ADGRL3: variants seen among roughly 807,000 people sequenced by gnomAD.
ADGRL3 encodes the protein calcium-independent alpha-latrotoxin receptor 3.
In ADGRL3, 62 loss-of-function variants were observed where a neutral mutation model predicts 153.5. That is an observed-to-expected ratio of 0.40 (90% CI 0.33 to 0.50). ADGRL3 has a LOEUF of 0.50. Among genes scored for constraint, ADGRL3 ranks in the 20% least tolerant of loss-of-function variants. The probability of loss-of-function intolerance (pLI) is 0.47; values close to 1 mark genes in which losing one functional copy is unlikely to be tolerated. For missense variants in ADGRL3, 1,641 were observed against 1,859.4 expected (o/e 0.88, Z 2.16); for synonymous variants, 710 against 672.5 (o/e 1.06, Z -0.86).
At chr4:61,755,219 G>C (rs978678779) in intron 8 of ADGRL3, among the ~76,000 whole-genome samples, 24 of 152,170 alleles carry the variant, frequency 1.6e-4, no homozygotes, top group Admixed American at 1.6e-3. Context: ...GGTTGAACTA[G>C]TTTACAGTCC....
chr4:61,342,322 C>T (rs556483973), intron 1 of ADGRL3, among the ~76,000 whole-genome samples: 9 of 152,230 alleles, frequency 5.9e-5, no homozygotes, highest in African/African-American at 1.9e-4. Context: ...CAGTTATTTA[C>T]TTTATAGTCT....
intron 1 of ADGRL3, among the ~76,000 whole-genome samples, chr4:61,279,726 A>G (rs908305289): frequency 2.0e-5 from 3 of 151,992 alleles, no homozygotes; most frequent in Non-Finnish European, 4.4e-5. Context: ...TCTATTATGT[A>G]TATATTTTTT....
chr4:61,289,892 T>C (rs1161755861), intron 1 of ADGRL3, among the ~76,000 whole-genome samples: 2 of 152,114 alleles, frequency 1.3e-5, no homozygotes, highest in East Asian at 3.9e-4. Flanking sequence ...ATGGCTGTTA[T>C]GAAGGTTAAA....
chr4:62,043,469 C>T (rs1729481661), intron 24 of ADGRL3, among the ~76,000 whole-genome samples: 1 of 152,008 alleles, frequency 6.6e-6, no homozygotes, highest in East Asian at 1.9e-4. Context: ...TGATATACAA[C>T]AATATTTCTG....
intron 5 of ADGRL3, among the ~76,000 whole-genome samples, chr4:61,641,092 G>A (rs2093645220): frequency 6.6e-6 from 1 of 151,768 alleles, no homozygotes; most frequent in African/African-American, 2.4e-5. Context: ...GATAAATTTG[G>A]CTTCAAATAA....
chr4:61,557,295 A>G (rs1199136867), intron 4 of ADGRL3, among the ~76,000 whole-genome samples: 1 of 152,152 alleles, frequency 6.6e-6, no homozygotes, highest in Admixed American at 6.6e-5. Context: ...AGAATACTTC[A>G]TCCTTAAATA....
intron 2 of ADGRL3, among the ~76,000 whole-genome samples, chr4:61,439,649 C>T (rs1382098729): frequency 6.6e-6 from 1 of 152,112 alleles, no homozygotes; most frequent in Admixed American, 6.6e-5. Flanking sequence ...GTTCCCCTCC[C>T]TATATCCATG....
rs569058069 is a variant in ADGRL3, at chr4:61,766,844, T to C, written c.1399+33290T>C. Among the ~76,000 whole-genome samples the C allele has an allele frequency of 9.2e-5, 14 of 151,764 alleles. No individual in the cohort carries two copies. The East Asian group carries it at 2.5e-3, about 27-fold the overall frequency. ...TATTGAGGATAGGAGAGTATATGGG[T>C]TTGGCACCACGGGGTGGATAGGCAA... is the stretch of plus-strand genomic sequence containing the variant. On this transcript the variant is annotated intron_variant, in intron 8 of 26. Coordinates refer to ENST00000683033, the MANE Select transcript of ADGRL3 (RefSeq NM_001387552.1).
chr4:61,473,075 T>G (rs1358719885), intron 2 of ADGRL3, among the ~76,000 whole-genome samples: 1 of 152,122 alleles, frequency 6.6e-6, no homozygotes, highest in Non-Finnish European at 1.5e-5. Flanking sequence ...TTCAGAGAAT[T>G]TTCAGTGACT....
chr4:62,063,176 A>G (rs1198299520), intron 25 of ADGRL3, among the ~76,000 whole-genome samples: 1 of 151,872 alleles, frequency 6.6e-6, no homozygotes, highest in Non-Finnish European at 1.5e-5. Flanking sequence ...GTTTGTATGA[A>G]TGATTAGATT....
Position 61,320,125 on chromosome 4 carries a change from C to T in ADGRL3, c.-239-62999C>T, listed in dbSNP as rs115500512. 1.3e-3 allele frequency among the ~76,000 whole-genome samples: 195 copies of T among 152,222 alleles called. 3 individuals carry two copies. Among genetic ancestry groups the T allele is most frequent in the African/African-American group, 4.5e-3 (189 of 41,540 alleles). ...GTCATCTGCAAGCTGGAAAGATACC[C>T]CTCTTCTGGAAATGAATTGGCTGGC... On this transcript the variant is annotated intron_variant, in intron 1 of 26. Coordinates refer to ENST00000683033, the MANE Select transcript of ADGRL3 (RefSeq NM_001387552.1).
chr4:61,206,116 G>A (rs778435314), intron 1 of ADGRL3, among the ~76,000 whole-genome samples: 1 of 152,098 alleles, frequency 6.6e-6, no homozygotes, highest in Non-Finnish European at 1.5e-5. Flanking sequence ...CTCATAATAG[G>A]TTCTATAGAC....
At chr4:61,444,522 A>G (rs893606129) in intron 2 of ADGRL3, among the ~76,000 whole-genome samples, 1 of 152,076 alleles carries the variant, frequency 6.6e-6, no homozygotes, top group East Asian at 1.9e-4. Context: ...TGATGCACCA[A>G]AACCACTTTG....
rs112728235 is a variant in ADGRL3 at position 61,424,901 on chromosome 4, G to A, written c.-174+41712G>A. Among the ~76,000 whole-genome samples, 1,378 of 152,222 alleles carry A rather than the reference G, an allele frequency of 9.1e-3. 28 individuals carry two copies. The highest frequency in any genetic ancestry group is 0.032 in the African/African-American group (1,311 of 41,534). On this transcript the variant is annotated intron_variant, in intron 2 of 26. Transcript: ENST00000683033. ...AGCACTTGCAAAAAGTGGGAACGTA[G>A]CACCTCCCAGTTGTGTGGGCATCTA...
chr4:61,869,047 A>G (rs183632280), intron 9 of ADGRL3, among the ~76,000 whole-genome samples: 1 of 151,990 alleles, frequency 6.6e-6, no homozygotes, highest in African/African-American at 2.4e-5. Context: ...GGCTCAAGTG[A>G]TCCTCCCACT....
intron 2 of ADGRL3, among the ~76,000 whole-genome samples, chr4:61,476,800 C>T (rs1020772838): frequency 6.7e-6 from 1 of 150,096 alleles, no homozygotes; most frequent in Non-Finnish European, 1.5e-5. Context: ...GGTCTGGAAC[C>T]GCTGACCTCA....
At chr4:61,967,124 C>A (rs1391512224) in intron 17 of ADGRL3, among the ~76,000 whole-genome samples, 1 of 151,918 alleles carries the variant, frequency 6.6e-6, no homozygotes, top group Non-Finnish European at 1.5e-5. Context: ...AATAGTAGGG[C>A]CAATAGTGTG....
At chr4:61,388,930 T>G (rs1578587463) in intron 2 of ADGRL3, among the ~76,000 whole-genome samples, 1 of 152,342 alleles carries the variant, frequency 6.6e-6, no homozygotes, top group East Asian at 1.9e-4. Context: ...CCCCATCTCC[T>G]GCCTTATTTT....
intron 2 of ADGRL3, among the ~76,000 whole-genome samples, chr4:61,411,601 G>T (rs2152269291): frequency 6.6e-6 from 1 of 152,260 alleles, no homozygotes; most frequent in African/African-American, 2.4e-5. Flanking sequence ...AGTCATTAAT[G>T]ATATTTCTGC....
Sources: gnomAD v4.1 joint callset for allele counts (sites outside exome capture counted in the v4.1 genomes callset) on GRCh38, gnomAD v4.1.1 for gene constraint, MANE v1.5 for transcripts, NCBI Gene and HGNC (gene_info 2026-07-23, HGNC 2026-07-21) for gene names.